FGR: variants seen among roughly 807,000 people sequenced by gnomAD.
FGR encodes the protein FGR proto-oncogene, Src family tyrosine kinase.
In FGR, 26 loss-of-function variants were observed where a neutral mutation model predicts 63.2. That is an observed-to-expected ratio of 0.41 (90% confidence interval 0.30 to 0.57). The LOEUF (loss-of-function observed/expected upper bound fraction) is 0.57, where lower values mean the gene tolerates loss of function less well. Among genes scored for constraint, FGR ranks in the 20% least tolerant of loss-of-function variants. The pLI is 0.27. For missense variants in FGR, 511 were observed against 690.8 expected, an observed-to-expected ratio of 0.74 and a Z score of 2.92; for synonymous variants, 286 against 277.7, an observed-to-expected ratio of 1.03 and a Z score of -0.30.
chr1:27,618,912 C>T (rs1288870693), intron 5 of FGR, among the ~76,000 whole-genome samples: 1 of 152,218 alleles, frequency 6.6e-6, no homozygotes, highest in Non-Finnish European at 1.5e-5. Flanking sequence ...CCAGGCTCTG[C>T]TGTCTGGCCT....
intron 1 of FGR, among the ~76,000 whole-genome samples, chr1:27,632,520 T>C (rs1370632700): frequency 6.6e-6 from 1 of 152,126 alleles, no homozygotes; most frequent in African/African-American, 2.4e-5. Context: ...CACCCAACCC[T>C]GTCTGACTCC....
In FGR at chr1:27,629,497, GAA is replaced by G. The variant is rs1241991746; in HGVS notation, c.-76-4348_-76-4347del. Among the ~76,000 whole-genome samples, 156 of 151,574 alleles carry G rather than the reference GAA, an allele frequency of 1.0e-3. 3 individuals are homozygous for G. Among genetic ancestry groups the G allele is most frequent in the Admixed American group, 0.01 (155 of 15,276 alleles). On this transcript the variant is annotated intron_variant, in intron 1 of 12. Coordinates refer to ENST00000374005, the MANE Select transcript of FGR (RefSeq NM_005248.3). Reference sequence around the variant, plus strand: ...AAACAGAGAGAGGCAGAGATGAAGAGAAAGAGAGAGAGAGAGCTAAAGAGACA... The same window carrying G: ...AAACAGAGAGAGGCAGAGATGAAGAGAGAGAGAGAGAGAGCTAAAGAGACA...
chr1:27,625,943 A>G, intron 1 of FGR: 1 of 381,204 alleles, frequency 2.6e-6, no homozygotes. Context: ...CATCTCAAAA[A>G]CAAACAAACA....
At chr1:27,624,673 G>A (rs979557624) in intron 2 of FGR, among the ~76,000 whole-genome samples, 20 of 152,008 alleles carry the variant, frequency 1.3e-4, no homozygotes, top group African/African-American at 4.6e-4. Context: ...ATGTCTGTAA[G>A]ACCGTGTTTG....
At chr1:27,618,339 G>T (rs955136205) in intron 5 of FGR, among the ~76,000 whole-genome samples, 1 of 152,130 alleles carries the variant, frequency 6.6e-6, no homozygotes. Flanking sequence ...TCGTGTTAGG[G>T]TCTGCCTTAA....
intron 2 of FGR, among the ~76,000 whole-genome samples, chr1:27,624,290 C>T (rs956311442): frequency 7.9e-5 from 12 of 152,192 alleles, no homozygotes; most frequent in African/African-American, 2.2e-4. Context: ...GGCTGGAGTG[C>T]AGTGGCACAA....
In FGR at chr1:27,623,042, G is replaced by T. The variant is rs34597831; in HGVS notation, c.329C>A (p.Thr110Asn). The T allele has an allele frequency of 4.8e-5, 77 of 1,609,986 alleles. No homozygotes were observed. Among genetic ancestry groups the T allele is most frequent in the Non-Finnish European group, 6.2e-5 (73 of 1,176,296 alleles). ...CTGACTAGGTGGCCTGGTCACTTAC[G>T]TATTGTTCAGGATGTGGAACTTCTC... ...KGEKFHILNN[T>N]EGDWWEARSL... The change falls in exon 4 of 13, where the codon ACT (threonine) becomes AAT (asparagine). Residue 110 changes from threonine to asparagine, a missense_variant and splice_region_variant. Coordinates refer to ENST00000374005, the MANE Select transcript of FGR (RefSeq NM_005248.3).
chr1:27,626,121 A>T (rs2090017575), intron 1 of FGR: 1 of 398,566 alleles, frequency 2.5e-6, no homozygotes, highest in African/African-American at 2.1e-5. Context: ...GTACCTTGGG[A>T]AGCCCCACAA....
intron 5 of FGR, among the ~76,000 whole-genome samples, chr1:27,619,341 C>T (rs967850666): frequency 1.3e-5 from 2 of 152,190 alleles, no homozygotes; most frequent in African/African-American, 4.8e-5. Flanking sequence ...CAGGTGCCTG[C>T]CACTACACCC....
rs548937311 is a variant in FGR at position 27,634,229 on chromosome 1, G to T, written c.-77+836C>A. On this transcript the variant is annotated intron_variant, in intron 1 of 12. Coordinates refer to ENST00000374005, the MANE Select transcript of FGR (RefSeq NM_005248.3). ...GGAGGCAGCCCCTGCGGGCACTCGC[G>T]GTCAAAGGCAGGATTTCCGTCGGGG... Among the ~76,000 whole-genome samples, 63 of 152,282 alleles carry T rather than the reference G, an allele frequency of 4.1e-4. No individual in the cohort carries two copies. In the East Asian group the frequency reaches 0.011, roughly 27 times the overall value.
Position 27,614,911 on chromosome 1 carries a change from A to T in FGR, c.1034T>A (p.Phe345Tyr). ...EFMCHGSLLD[F>Y]LKNPEGQDLR... Reference sequence around the variant, plus strand: ...ATCCTGGCCCTCTGGGTTCTTGAGAAAATCCAGCAAGCTGCCTGGGAAGAA... The same window carrying T: ...ATCCTGGCCCTCTGGGTTCTTGAGATAATCCAGCAAGCTGCCTGGGAAGAA... Residue 345 changes from phenylalanine to tyrosine, a missense_variant, in exon 10 of 13, where the codon TTT becomes TAT. Physicochemically the swap from Phe to Tyr is conservative, Grantham distance 22. Coordinates refer to ENST00000374005, the MANE Select transcript of FGR (RefSeq NM_005248.3). The T allele has an allele frequency of 6.3e-7, 1 of 1,598,672 alleles. No individual in the cohort carries two copies. The highest frequency in any genetic ancestry group is 8.5e-7 in the Non-Finnish European group (1 of 1,171,366).
intron 1 of FGR, chr1:27,625,916 G>A: frequency 2.6e-6 from 1 of 386,378 alleles, no homozygotes; most frequent in Admixed American, 4.5e-5. Context: ...TCCAGCCCGG[G>A]TGACAGAGCA....
In FGR at chr1:27,621,669, G is replaced by A; in HGVS notation, c.330-12C>T. The A allele has an allele frequency of 6.2e-7, 1 of 1,606,730 alleles. No individual in the cohort carries two copies. On this transcript the variant is annotated splice_polypyrimidine_tract_variant and intron_variant, in intron 4 of 12. Transcript: ENST00000374005. ...ACCAGTCACCTTCACTGTAGGCACA[G>A]AACAGGGCATGGTCAGCAGCACCTC...
At chr1:27,623,219 T>C (rs1429912142) in intron 3 of FGR, 75 bp from the exon 4 acceptor site, 3 of 1,104,882 alleles carry the variant, frequency 2.7e-6, no homozygotes, top group Non-Finnish European at 4.1e-6. Context: ...CAAATTCCTG[T>C]TCCCCAGCCA....
chr1:27,633,871 C>T (rs1429155257), intron 1 of FGR, among the ~76,000 whole-genome samples: 1 of 152,242 alleles, frequency 6.6e-6, no homozygotes, highest in Non-Finnish European at 1.5e-5. Context: ...CTGCTTTCTG[C>T]ACCTGATTCT....
At chr1:27,631,862 T>C (rs886956525) in intron 1 of FGR, among the ~76,000 whole-genome samples, 3 of 152,236 alleles carry the variant, frequency 2.0e-5, no homozygotes, top group Non-Finnish European at 4.4e-5. Context: ...ACCACCATCC[T>C]GCAAGAGTTC....
rs1270230493 is a variant in FGR, at chr1:27,621,619, C to T, written c.368G>A (p.Gly123Glu). The T allele has an allele frequency of 3.7e-6, 6 of 1,614,010 alleles. No individual in the cohort carries two copies. Among genetic ancestry groups the T allele is most frequent in the Non-Finnish European group, 5.1e-6 (6 of 1,179,960 alleles). The change falls in exon 5 of 13, where the codon GGA becomes GAA. Residue 123 changes from glycine (G) to glutamate (E), a missense_variant. Coordinates refer to ENST00000374005, the MANE Select transcript of FGR (RefSeq NM_005248.3). ...DWWEARSLSS[G>E]KTGCIPSNYV... ...GTTGCTGGGAATGCAGCCAGTTTTT[C>T]CGGAGCTGAGAGACCGAGCCTCCCA...
chr1:27,631,537 C>T (rs903975827), intron 1 of FGR, among the ~76,000 whole-genome samples: 1 of 152,266 alleles, frequency 6.6e-6, no homozygotes, highest in African/African-American at 2.4e-5. Flanking sequence ...GTCAGTTCAT[C>T]TCCCTGAGCG....
chr1:27,629,420 G>A (rs1359502963), intron 1 of FGR, among the ~76,000 whole-genome samples: 1 of 151,810 alleles, frequency 6.6e-6, no homozygotes, highest in Non-Finnish European at 1.5e-5. Context: ...AAGAGACAGA[G>A]GCAGAAATGA....
Sources: allele counts gnomAD v4.1 joint callset (sites outside exome capture counted in the v4.1 genomes callset), GRCh38; gene constraint gnomAD v4.1.1; transcripts MANE v1.5; gene names NCBI Gene and HGNC (gene_info 2026-07-23, HGNC 2026-07-21).